Variants in GBP4 observed in about 807,000 individuals in gnomAD.
The protein encoded by GBP4 is guanylate-binding protein 4.
In GBP4, 69 loss-of-function variants were observed where a neutral mutation model predicts 62.2. The ratio of observed to expected loss-of-function variants is 1.11; its 90% CI spans 0.91 to 1.36. The LOEUF is 1.36. GBP4 is among the 40% of genes most tolerant of loss of function. The pLI, the probability that GBP4 is intolerant of heterozygous loss-of-function variation, is 0.00. For synonymous variants in GBP4, 278 were observed against 274.6 expected (o/e 1.01, Z -0.12); for missense variants, 697 against 759.3 (o/e 0.92, Z 0.96).
Position 89,193,035 on chromosome 1 carries a change from T to A in GBP4, c.539A>T (p.Asp180Val). 1.2e-6 allele frequency: 2 copies of A among 1,613,990 alleles called. No homozygotes were observed. Residue 180 changes from aspartate (D) to valine (V), a missense_variant, in exon 5 of 11, where the codon GAC becomes GTC. This residue lies in a region of GBP4 where 556 missense variants were observed against 562.7 expected (regional missense o/e 0.99). Coordinates refer to ENST00000355754, the MANE Select transcript of GBP4 (RefSeq NM_052941.5). The stretch of plus-strand genomic sequence containing the variant: ...AAAGAAACTCGCAAACTCGCTGGAG[T>A]CCTCAGCTTCATCAGGTCTGGGGCA... ...KSCPRPDEAE[D>V]SSEFASFFPD...
At chr1:89,196,992 G>T in intron 2 of GBP4, 118 bp downstream of exon 2, 1 of 711,564 alleles carries the variant, frequency 1.4e-6, no homozygotes, top group Non-Finnish European at 2.2e-6. Context: ...GTGAGAATTA[G>T]AAGTTTTCTT....
chr1:89,186,461 G>T lies in GBP4; in HGVS notation c.1579C>A (p.Gln527Lys), dbSNP rs770559828. 4 of 1,613,890 alleles carry T rather than the reference G, an allele frequency of 2.5e-6. No homozygotes were observed. In the South Asian group the frequency reaches 4.4e-5, roughly 18 times the overall value. The change falls in exon 10 of 11, where the codon CAG becomes AAG. Residue 527 changes from glutamine to lysine, a missense_variant. Around this residue, in one of 2 missense-constraint regions of GBP4, gnomAD observed 141 missense variants for 196.6 expected, o/e 0.72. Coordinates refer to ENST00000355754, the MANE Select transcript of GBP4 (RefSeq NM_052941.5). ...TCTTGAGCCTCCATCATTTGCTGCT[G>T]CTCCTTCTGTTTTTCTCTTAGCAGC... ...QELLREKQKEQQQMMEAQERS... is the reference protein window; with the variant it reads ...QELLREKQKEKQQMMEAQERS...
chr1:89,186,625 G>C, intron 9 of GBP4, 99 bp from the exon 10 acceptor site: 1 of 1,060,756 alleles, frequency 9.4e-7, no homozygotes, highest in South Asian at 1.6e-5. Context: ...AAAGCACAAA[G>C]GTGAGGGATT....
chr1:89,194,337 T>C (rs1258566943), intron 3 of GBP4, among the ~76,000 whole-genome samples: 1 of 152,200 alleles, frequency 6.6e-6, no homozygotes, highest in Non-Finnish European at 1.5e-5. Flanking sequence ...CTAGTAGTTC[T>C]GCTGCTGCCA....
At position 89,181,531 on chromosome 1, in the gene GBP4, A is replaced by G. The variant is rs561625243; in HGVS notation, c.*3723T>C. 1 of 152,294 alleles carries G rather than the reference A, an allele frequency of 6.6e-6. No homozygotes were observed. The highest frequency in any genetic ancestry group is 1.5e-5 in the Non-Finnish European group (1 of 68,044). 9.4% of individuals were successfully genotyped at this position (152,294 alleles called of 1,614,324 possible). On this transcript the variant is annotated 3_prime_UTR_variant, in exon 11 of 11. Coordinates refer to ENST00000355754, the MANE Select transcript of GBP4 (RefSeq NM_052941.5). ...CATTTAGTATATTTACTAAATAGAT[A>G]TAAAATATATTTACTAACTATAAGT...
Position 89,197,296 on chromosome 1 carries a change from C to T in GBP4, c.49G>A (p.Glu17Lys), listed in dbSNP as rs144580960. 8.5e-5 allele frequency: 137 copies of T among 1,613,460 alleles called. No individual in the cohort carries two copies. The East Asian group carries it at 2.3e-3, about 27-fold the overall frequency. Residue 17 changes from glutamate (E) to lysine (K), a missense_variant, in exon 2 of 11, where the codon GAA (glutamate) becomes AAA (lysine). Glu to Lys is a moderately conservative substitution (Grantham distance 56, BLOSUM62 1). This residue lies in a region of GBP4 where 556 missense variants were observed against 562.7 expected (regional missense o/e 0.99). Transcript: ENST00000355754. The part of the protein sequence containing the change: ...HAAVPTPGYP[E>K]SESIMMAPIC... ...GGGGCCATCATGATGGATTCAGATT[C>T]TGGATAACCTGTAACCCAGAAAAAA... is the stretch of plus-strand genomic sequence containing the variant.
chr1:89,182,633 C>A lies in GBP4; in HGVS notation c.*2621G>T. 1 of 152,130 alleles carries A rather than the reference C, an allele frequency of 6.6e-6. No homozygotes were observed. Among genetic ancestry groups the A allele is most frequent in the Non-Finnish European group, 1.5e-5 (1 of 68,028 alleles). 9.4% of individuals were successfully genotyped at this position (152,130 alleles called of 1,614,324 possible). ...TGTAGCTGGGACTACAGGCGCGTGCCACCATGCCCGGCTAATTTTTGTATT... is the reference window on the plus strand; with the variant it reads ...TGTAGCTGGGACTACAGGCGCGTGCAACCATGCCCGGCTAATTTTTGTATT... On this transcript the variant is annotated 3_prime_UTR_variant, in exon 11 of 11. Coordinates refer to ENST00000355754, the MANE Select transcript of GBP4 (RefSeq NM_052941.5).
chr1:89,197,444 T>C (rs1039840473), intron 1 of GBP4, 140 bp from the exon 2 acceptor site: 2 of 570,768 alleles, frequency 3.5e-6, no homozygotes, highest in Non-Finnish European at 3.0e-6. Context: ...TATAAATATA[T>C]TTCTACGTTT....
At position 89,183,578 on chromosome 1, in the gene GBP4, G is replaced by A. The variant is rs531434605; in HGVS notation, c.*1676C>T. Reference sequence around the variant, plus strand: ...GATCTAATTAAATTAAAGAGCTTCTGCACATCAAAAGAAACTATTGGCCAG... The same window carrying A: ...GATCTAATTAAATTAAAGAGCTTCTACACATCAAAAGAAACTATTGGCCAG... On this transcript the variant is annotated 3_prime_UTR_variant, in exon 11 of 11. Transcript: ENST00000355754. The A allele has an allele frequency of 6.6e-6, 1 of 152,288 alleles. No individual in the cohort carries two copies. Among genetic ancestry groups the A allele is most frequent in the African/African-American group, 2.4e-5 (1 of 41,562 alleles). The allele number at this position is 152,288 out of a possible 1,614,324, so 9.4% of individuals were successfully genotyped here.
Position 89,186,449 on chromosome 1 carries a change from T to C in GBP4, c.1591A>G (p.Met531Val). ...TGGAAGCTTCTCTCTTGAGCCTCCA[T>C]CATTTGCTGCTGCTCCTTCTGTTTT... ...REKQKEQQQM[M>V]EAQERSFQEY... Residue 531 changes from methionine to valine, a missense_variant, in exon 10 of 11, where the codon ATG becomes GTG. This residue lies in a region of GBP4 where 141 missense variants were observed against 196.6 expected (regional missense o/e 0.72). Coordinates refer to ENST00000355754, the MANE Select transcript of GBP4 (RefSeq NM_052941.5). 1.2e-6 allele frequency: 2 copies of C among 1,613,490 alleles called. No homozygotes were observed. Among genetic ancestry groups the C allele is most frequent in the African/African-American group, 1.3e-5 (1 of 75,042 alleles).
chr1:89,187,102 C>G lies in GBP4; in HGVS notation c.1411G>C (p.Ala471Pro). The G allele has an allele frequency of 2.5e-6, 4 of 1,613,718 alleles. No individual in the cohort carries two copies. The highest frequency in any genetic ancestry group is 3.4e-6 in the Non-Finnish European group (4 of 1,179,694). Reference sequence around the variant, plus strand: ...AGGAAGTTCTGGAGGACCTCGTTTGCCTGAGGAACCAAGAAAGAGCAAAGA... The same window carrying G: ...AGGAAGTTCTGGAGGACCTCGTTTGGCTGAGGAACCAAGAAAGAGCAAAGA... ...YKLVPRKGVKANEVLQNFLQS... is the reference protein window; with the variant it reads ...YKLVPRKGVKPNEVLQNFLQS... Residue 471 changes from alanine to proline, a missense_variant and splice_region_variant, in exon 9 of 11, where the codon GCA becomes CCA. By Grantham distance (27) the Ala-to-Pro change is conservative (BLOSUM62 -1). This residue lies in a region of GBP4 where 141 missense variants were observed against 196.6 expected (regional missense o/e 0.72). Transcript: ENST00000355754.
At chr1:89,185,956 A>C (rs1313929027) in intron 10 of GBP4, among the ~76,000 whole-genome samples, 1 of 152,184 alleles carries the variant, frequency 6.6e-6, no homozygotes, top group African/African-American at 2.4e-5. Flanking sequence ...ATTTCATATC[A>C]AGCCAAATCT....
At chr1:89,186,825 T>A (rs968223354) in intron 9 of GBP4, among the ~76,000 whole-genome samples, 175 bp downstream of exon 9, 5 of 152,238 alleles carry the variant, frequency 3.3e-5, no homozygotes, top group Non-Finnish European at 7.3e-5. Flanking sequence ...ATACAATATA[T>A]TTTTTAACTA....
Position 89,185,427 on chromosome 1 carries a change from C to T in GBP4, c.1750G>A (p.Glu584Lys), listed in dbSNP as rs1553128029. The change falls in exon 11 of 11, where the codon GAG (glutamate) becomes AAG (lysine). Residue 584 changes from glutamate to lysine, a missense_variant. Glu to Lys is a moderately conservative substitution (Grantham distance 56). Around this residue, in one of 2 missense-constraint regions of GBP4, gnomAD observed 141 missense variants for 196.6 expected, o/e 0.72. Transcript: ENST00000355754. ...TGATTAATCTCTTTATTTAACTGCT[C>T]AGATTTCTTTTGAAATTCTTCCTTA... is the stretch of plus-strand genomic sequence containing the variant. ...MLKEEFQKKSEQLNKEINQLK... is the reference protein window; with the variant it reads ...MLKEEFQKKSKQLNKEINQLK... 1.9e-6 allele frequency: 3 copies of T among 1,573,922 alleles called. No homozygotes were observed. The Admixed American group carries it at 5.0e-5, about 26-fold the overall frequency.
chr1:89,196,841 T>C (rs542166078), intron 2 of GBP4, among the ~76,000 whole-genome samples: 14 of 152,204 alleles, frequency 9.2e-5, no homozygotes, highest in Non-Finnish European at 1.6e-4. Flanking sequence ...AGAAAGGGAA[T>C]AATTGCTGGG....
intron 7 of GBP4, 38 bp downstream of exon 7, chr1:89,190,000 G>A (rs541559940): frequency 6.4e-7 from 1 of 1,568,438 alleles, no homozygotes; most frequent in African/African-American, 1.3e-5. Context: ...CATCATTTCG[G>A]AAGGGCAGAA....
rs1477813630 is a variant in GBP4, at chr1:89,183,507, GA to G, written c.*1746del. 1 of 152,174 alleles carries G rather than the reference GA, an allele frequency of 6.6e-6. No individual in the cohort carries two copies. The highest frequency in any genetic ancestry group is 2.4e-5 in the African/African-American group (1 of 41,440). 9.4% of individuals were successfully genotyped at this position (152,174 alleles called of 1,614,324 possible). A position where few individuals can be genotyped will look rare whatever the true frequency, so the allele number is the denominator to read the frequency against. Reference sequence around the variant, plus strand: ...TAAGACTTGGCTAAAATTTCATGATGAAGATAACATAAGCAATTGCAGCAAA... The same window carrying G: ...TAAGACTTGGCTAAAATTTCATGATGAGATAACATAAGCAATTGCAGCAAA... On this transcript the variant is annotated 3_prime_UTR_variant, in exon 11 of 11. Transcript: ENST00000355754.
rs780118405 is a variant in GBP4, at chr1:89,193,027, C to T, written c.547G>A (p.Glu183Lys). 3.1e-6 allele frequency: 5 copies of T among 1,614,182 alleles called. No individual in the cohort carries two copies. Among genetic ancestry groups the T allele is most frequent in the East Asian group, 4.5e-5 (2 of 44,886 alleles). The change falls in exon 5 of 11, where the codon GAG becomes AAG. Residue 183 changes from glutamate to lysine, a missense_variant. Glu to Lys is a moderately conservative substitution (Grantham distance 56). Coordinates refer to ENST00000355754, the MANE Select transcript of GBP4 (RefSeq NM_052941.5). Reference protein sequence around the residue: ...PRPDEAEDSSEFASFFPDFIW... With the variant: ...PRPDEAEDSSKFASFFPDFIW... ...AAGTCTGGAAAGAAACTCGCAAACT[C>T]GCTGGAGTCCTCAGCTTCATCAGGT...
Position 89,192,836 on chromosome 1 carries a change from T to C in GBP4, c.670+68A>G. On this transcript the variant is annotated intron_variant, in intron 5 of 10. Coordinates refer to ENST00000355754, the MANE Select transcript of GBP4 (RefSeq NM_052941.5). ...TAATGTAAACATTTGTGTCAGGTGC[T>C]GAATAGCAGGTCTTAGTTGATCCTA... 5.6e-6 allele frequency: 8 copies of C among 1,441,084 alleles called. No individual in the cohort carries two copies. The South Asian group carries it at 1.0e-4, about 18-fold the overall frequency. The allele number at this position is 1,441,084 out of a possible 1,614,324, so 89.3% of individuals were successfully genotyped here.
Sources: gnomAD v4.1 joint callset for allele counts (sites outside exome capture counted in the v4.1 genomes callset) on GRCh38, gnomAD v4.1.1 for gene constraint, gnomAD v4.1.1 regional missense constraint, MANE v1.5 for transcripts, NCBI Gene and HGNC (gene_info 2026-07-23, HGNC 2026-07-21) for gene names.